PHLDB1: variants seen among roughly 807,000 people sequenced by gnomAD.
PHLDB1 encodes the protein pleckstrin homology-like domain family B member 1.
A neutral mutation model predicts 139.3 loss-of-function variants in PHLDB1; 65 were observed. The ratio of observed to expected loss-of-function variants is 0.47; its 90% CI spans 0.38 to 0.57. PHLDB1 has a LOEUF of 0.57. Ranked by LOEUF, PHLDB1 falls within the 20% of genes least tolerant of loss-of-function variation. The probability of loss-of-function intolerance (pLI) is 0.00; values close to 1 mark genes in which losing one functional copy is unlikely to be tolerated. For synonymous variants in PHLDB1, 679 were observed against 734.5 expected, an observed-to-expected ratio of 0.92 and a Z score of 1.22; for missense variants, 1,624 against 1,839.7, an observed-to-expected ratio of 0.88 and a Z score of 2.14.
At chr11:118,641,377 A>T in intron 12 of PHLDB1, 1 of 185,632 alleles carries the variant, frequency 5.4e-6, no homozygotes, top group South Asian at 9.5e-5. Context: ...GGAGGTTGGG[A>T]GTGGTTTCTT....
chr11:118,653,903 A>T (rs900738302), intron 20 of PHLDB1: 2 of 152,218 alleles, frequency 1.3e-5, no homozygotes, highest in African/African-American at 4.8e-5. Flanking sequence ...ATCATTTAGG[A>T]GTTTGCTAAG....
intron 14 of PHLDB1, 25 bp from the exon 15 acceptor site, chr11:118,644,047 G>C: frequency 3.7e-6 from 6 of 1,611,824 alleles, no homozygotes; most frequent in Non-Finnish European, 5.1e-6. Flanking sequence ...CTGAGCCCAG[G>C]TCCGAACTCT....
intron 4 of PHLDB1, among the ~76,000 whole-genome samples, chr11:118,622,094 C>A (rs1202568113): frequency 6.6e-6 from 1 of 152,184 alleles, no homozygotes; most frequent in African/African-American, 2.4e-5. Context: ...TCACCCTCTC[C>A]TTCGCCCAGT....
chr11:118,635,264 G>A (rs1555114446), intron 9 of PHLDB1, 129 bp from the exon 10 acceptor site: 1 of 1,071,412 alleles, frequency 9.3e-7, no homozygotes. Context: ...GGGAGCTGGG[G>A]GGAGGCAGGT....
In PHLDB1 at chr11:118,643,857, G is replaced by A. The variant is rs145786415; in HGVS notation, c.2935G>A (p.Gly979Ser). 2.0e-4 allele frequency: 330 copies of A among 1,613,430 alleles called. 3 individuals are homozygous for A. Among genetic ancestry groups the A allele is most frequent in the Middle Eastern group, 2.0e-3 (12 of 6,056 alleles). Residue 979 changes from glycine to serine, a missense_variant, in exon 14 of 23, where the codon GGC becomes AGC. Physicochemically the swap from Gly to Ser is moderately conservative, Grantham distance 56. Coordinates refer to ENST00000600882, the MANE Select transcript of PHLDB1 (RefSeq NM_001144758.3). ...ATSPLPRTRS[G>S]PLPSSSGSSS... ...CAGCCCCCTTCCCCGGACCCGCAGC[G>A]GCCCCCTCCCCTCCTCCTCTGGCTC...
chr11:118,637,173 A>G (rs1349519010), intron 10 of PHLDB1: 2 of 152,164 alleles, frequency 1.3e-5, no homozygotes, highest in Non-Finnish European at 2.9e-5. Flanking sequence ...CTTAGCTCCT[A>G]AATATGTTGG....
intron 6 of PHLDB1, chr11:118,629,848 AC>A: frequency 2.6e-6 from 1 of 380,046 alleles, no homozygotes; most frequent in Non-Finnish European, 4.9e-6. Context: ...CAGTTTTCCC[AC>A]CCCCATTCCC....
Position 118,650,597 on chromosome 11 carries a change from T to G in PHLDB1, c.3874+50T>G. On this transcript the variant is annotated intron_variant, in intron 20 of 22. Transcript: ENST00000600882. This position sits in a 1 kb window ranked among gnomAD's most constrained non-coding sequence, Gnocchi z 4.7. ...GGGGCCAGCCAGGATCCCTGGGCTC[T>G]GTTACCCAGGACGGCTGGTCTTCTA... 7.8e-7 allele frequency: 1 copy of G among 1,285,302 alleles called. No individual in the cohort carries two copies. Among genetic ancestry groups the G allele is most frequent in the East Asian group, 2.3e-5 (1 of 43,336 alleles). The allele number at this position is 1,285,302 out of a possible 1,614,324, so 79.6% of individuals were successfully genotyped here. A position where few individuals can be genotyped will look rare whatever the true frequency, so the allele number is the denominator to read the frequency against.
At chr11:118,634,090 C>T (rs1945214504) in intron 9 of PHLDB1, 2 of 152,408 alleles carry the variant, frequency 1.3e-5, no homozygotes, top group Non-Finnish European at 2.9e-5. Context: ...ACCACAGTTT[C>T]TCCTCTGCCT....
Position 118,657,918 on chromosome 11 carries a change from C to T in PHLDB1, c.*1095C>T, listed in dbSNP as rs1355753152. The T allele has an allele frequency of 6.0e-5, 13 of 217,740 alleles. No individual in the cohort carries two copies. The East Asian group carries it at 1.4e-3, about 23-fold the overall frequency. 13.5% of individuals were successfully genotyped at this position (217,740 alleles called of 1,614,324 possible). A position where few individuals can be genotyped will look rare whatever the true frequency, so the allele number is the denominator to read the frequency against. Reference sequence around the variant, plus strand: ...CTTCACGCCTTAACACTAAGCCCACCTCCCCTGCTCTCCTTCCCAGCATTG... The same window carrying T: ...CTTCACGCCTTAACACTAAGCCCACTTCCCCTGCTCTCCTTCCCAGCATTG... On this transcript the variant is annotated 3_prime_UTR_variant, in exon 23 of 23. Coordinates refer to ENST00000600882, the MANE Select transcript of PHLDB1 (RefSeq NM_001144758.3).
At chr11:118,629,327 C>G (rs191530708) in intron 6 of PHLDB1, among the ~76,000 whole-genome samples, 7 of 152,160 alleles carry the variant, frequency 4.6e-5, no homozygotes, top group Non-Finnish European at 8.8e-5. Context: ...TGTGCATGCA[C>G]GTGGGTGCAT....
Position 118,616,107 on chromosome 11 carries a change from A to G in PHLDB1, c.251A>G (p.His84Arg), listed in dbSNP as rs1941584992. The G allele has an allele frequency of 4.3e-6, 7 of 1,613,946 alleles. No homozygotes were observed. The highest frequency in any genetic ancestry group is 4.2e-6 in the Non-Finnish European group (5 of 1,179,934). Residue 84 changes from histidine (H) to arginine (R), a missense_variant, in exon 4 of 23, where the codon CAC becomes CGC. Physicochemically the swap from His to Arg is conservative, Grantham distance 29. Coordinates refer to ENST00000600882, the MANE Select transcript of PHLDB1 (RefSeq NM_001144758.3). ...SLQGPGLAPEHCYIENLRGTL... is the reference protein window; with the variant it reads ...SLQGPGLAPERCYIENLRGTL... The stretch of plus-strand genomic sequence containing the variant: ...CAGGGCCCAGGCCTGGCTCCAGAGC[A>G]CTGCTACATCGAGAACCTGCGGGGC...
chr11:118,650,628 A>G lies in PHLDB1; in HGVS notation c.3874+81A>G, dbSNP rs1438112732. 1 of 968,706 alleles carries G rather than the reference A, an allele frequency of 1.0e-6. No individual in the cohort carries two copies. Among genetic ancestry groups the G allele is most frequent in the African/African-American group, 1.6e-5 (1 of 62,242 alleles). 60.0% of individuals were successfully genotyped at this position (968,706 alleles called of 1,614,324 possible). A position where few individuals can be genotyped will look rare whatever the true frequency, so the allele number is the denominator to read the frequency against. The stretch of plus-strand genomic sequence containing the variant: ...CCAGGACGGCTGGTCTTCTAGAAGG[A>G]GGCCAAGCTTCCAAGTAGGGGACCA... On this transcript the variant is annotated intron_variant, in intron 20 of 22. Coordinates refer to ENST00000600882, the MANE Select transcript of PHLDB1 (RefSeq NM_001144758.3). The surrounding 1 kb of genome is among the most constrained non-coding windows in gnomAD (Gnocchi z 4.7).
In PHLDB1 at chr11:118,631,490, G is replaced by T; in HGVS notation, c.2100+11G>T. On this transcript the variant is annotated intron_variant, in intron 7 of 22. Coordinates refer to ENST00000600882, the MANE Select transcript of PHLDB1 (RefSeq NM_001144758.3). The stretch of plus-strand genomic sequence containing the variant: ...AGCACCCAGCAGGAGGTGAGATGGA[G>T]GGGTAGGCAAGACAAAGAGGCTGAA... 7.0e-7 allele frequency: 1 copy of T among 1,422,796 alleles called. No homozygotes were observed. 88.1% of individuals were successfully genotyped at this position (1,422,796 alleles called of 1,614,324 possible). A position where few individuals can be genotyped will look rare whatever the true frequency, so the allele number is the denominator to read the frequency against.
In PHLDB1 at chr11:118,631,870, A is replaced by T. The variant is rs1158212048; in HGVS notation, c.2101-43A>T. On this transcript the variant is annotated intron_variant, in intron 7 of 22. Coordinates refer to ENST00000600882, the MANE Select transcript of PHLDB1 (RefSeq NM_001144758.3). ...ATCCATTTTCTTAGTCTGATTCCAA[A>T]AGGCTCTAGGCTTCCTCAGTTGATA... 1.9e-6 allele frequency: 3 copies of T among 1,553,770 alleles called. No individual in the cohort carries two copies. In the East Asian group the frequency reaches 6.8e-5, roughly 35 times the overall value.
chr11:118,609,569 A>T (rs1555081958), intron 1 of PHLDB1, among the ~76,000 whole-genome samples: 1 of 151,030 alleles, frequency 6.6e-6, no homozygotes, highest in Admixed American at 6.6e-5. Flanking sequence ...CCGCAGCCCC[A>T]GCTCACACAC....
Position 118,624,924 on chromosome 11 carries a change from T to C in PHLDB1, c.356-10T>C, listed in dbSNP as rs1943597082. On this transcript the variant is annotated splice_polypyrimidine_tract_variant and intron_variant, in intron 4 of 22. Transcript: ENST00000600882. Reference sequence around the variant, plus strand: ...CACACCTGGTCTTCAAGTGTTTGCTTTCTCTGCAGGCTGCATGTTGTGCCT... The same window carrying C: ...CACACCTGGTCTTCAAGTGTTTGCTCTCTCTGCAGGCTGCATGTTGTGCCT... The C allele has an allele frequency of 6.2e-7, 1 of 1,613,880 alleles. No homozygotes were observed. Among genetic ancestry groups the C allele is most frequent in the African/African-American group, 1.3e-5 (1 of 74,914 alleles).
At position 118,631,255 on chromosome 11, in the gene PHLDB1, C is replaced by A; in HGVS notation, c.1876C>A (p.Arg626=). The A allele has an allele frequency of 6.7e-7, 1 of 1,481,646 alleles. No individual in the cohort carries two copies. Among genetic ancestry groups the A allele is most frequent in the Non-Finnish European group, 9.0e-7 (1 of 1,116,536 alleles). The allele number at this position is 1,481,646 out of a possible 1,614,324, so 91.8% of individuals were successfully genotyped here. ...CCTGAACCTGTGTGCCGAATACAGC[C>A]GGGCTGATGGGGGACCTGAGGCTGG... is the stretch of plus-strand genomic sequence containing the variant. ...TILNLCAEYS[R]ADGGPEAGEL... Residue 626 remains arginine, a synonymous_variant, in exon 7 of 23, where the codon CGG becomes AGG. Coordinates refer to ENST00000600882, the MANE Select transcript of PHLDB1 (RefSeq NM_001144758.3).
chr11:118,644,673 C>A (rs1555125235), intron 15 of PHLDB1: 1 of 1,290,012 alleles, frequency 7.8e-7, no homozygotes, highest in Middle Eastern at 2.1e-4. Flanking sequence ...CGAGCCCCTC[C>A]CAACCGACGA....
Sources: allele counts gnomAD v4.1 joint callset (sites outside exome capture counted in the v4.1 genomes callset), GRCh38; gene constraint gnomAD v4.1.1; non-coding constraint Gnocchi (gnomAD v3.1); transcripts MANE v1.5; gene names NCBI Gene and HGNC (gene_info 2026-07-23, HGNC 2026-07-21).